The following UBE3A variants were observed in gnomAD, a reference collection of about 807,000 sequenced individuals.
The protein encoded by UBE3A is ubiquitin-protein ligase E3A.
In UBE3A, 6 loss-of-function variants were observed where a neutral mutation model predicts 83.4. That is an observed-to-expected ratio of 0.07 (90% CI 0.04 to 0.14). The LOEUF (loss-of-function observed/expected upper bound fraction) is 0.14, where lower values mean the gene tolerates loss of function less well. Among genes scored for constraint, UBE3A ranks in the 10% least tolerant of loss-of-function variants. The probability of loss-of-function intolerance (pLI) is 1.00; values close to 1 mark genes in which losing one functional copy is unlikely to be tolerated. For synonymous variants in UBE3A, 337 were observed against 355.4 expected (o/e 0.95, Z 0.58); for missense variants, 456 against 1,036.1 (o/e 0.44, Z 7.69).
At chr15:25,420,365 A>G (rs1414542596) in intron 1 of UBE3A, among the ~76,000 whole-genome samples, 1 of 152,200 alleles carries the variant, frequency 6.6e-6, no homozygotes, top group Non-Finnish European at 1.5e-5. Flanking sequence ...AAAGCATATG[A>G]AGAAAAAATG....
chr15:25,398,798 TATATATATATATATATAA>T (rs1411356483), intron 4 of UBE3A, among the ~76,000 whole-genome samples: 2,393 of 81,202 alleles, frequency 0.029, 210 homozygotes, highest in South Asian at 0.054. Flanking sequence ...TATATATATA[TATATATATATATATATAA>T]AAATACATAT....
Position 25,337,677 on chromosome 15 carries a change from A to C in UBE3A, c.*1460T>G, listed in dbSNP as rs948833703. The C allele has an allele frequency of 6.6e-6, 1 of 152,028 alleles. No homozygotes were observed. The highest frequency in any genetic ancestry group is 2.1e-4 in the South Asian group (1 of 4,838). 9.4% of individuals were successfully genotyped at this position (152,028 alleles called of 1,614,324 possible). A position where few individuals can be genotyped will look rare whatever the true frequency, so the allele number is the denominator to read the frequency against. The stretch of plus-strand genomic sequence containing the variant: ...CAGGTTGATCTACAGTAATCAGTTA[A>C]AACAATCAGTCAATCAATCAATCAA... On this transcript the variant is annotated 3_prime_UTR_variant, in exon 13 of 13. Transcript: ENST00000648336.
intron 4 of UBE3A, among the ~76,000 whole-genome samples, chr15:25,402,998 C>T (rs1027603082): frequency 2.0e-5 from 3 of 152,132 alleles, no homozygotes; most frequent in Non-Finnish European, 4.4e-5. Context: ...CAATCATGGC[C>T]ATCATCCACA....
chr15:25,339,981 A>G, intron 12 of UBE3A, 104 bp downstream of exon 12: 1 of 1,452,814 alleles, frequency 6.9e-7, no homozygotes, highest in Non-Finnish European at 9.6e-7. Context: ...ATTTGTATAT[A>G]AAATCACGAA....
chr15:25,343,141 C>A (rs2075133448), intron 11 of UBE3A, among the ~76,000 whole-genome samples: 3 of 152,126 alleles, frequency 2.0e-5, no homozygotes, highest in Admixed American at 2.0e-4. Flanking sequence ...CCTGCTCCAC[C>A]ATGAGGTCTA....
At chr15:25,360,006 T>G (rs184617947) in intron 7 of UBE3A, among the ~76,000 whole-genome samples, 3 of 152,324 alleles carry the variant, frequency 2.0e-5, no homozygotes, top group Non-Finnish European at 1.5e-5. Flanking sequence ...CTCTCAATAC[T>G]CTTCAAACCA....
At chr15:25,423,084 A>G (rs1179591374) in intron 1 of UBE3A, among the ~76,000 whole-genome samples, 1 of 152,104 alleles carries the variant, frequency 6.6e-6, no homozygotes, top group Non-Finnish European at 1.5e-5. Flanking sequence ...AGATTTGCCT[A>G]CATAAAAACT....
At chr15:25,342,308 C>T (rs768921720) in intron 11 of UBE3A, among the ~76,000 whole-genome samples, 1 of 152,092 alleles carries the variant, frequency 6.6e-6, no homozygotes, top group South Asian at 2.1e-4. Context: ...CAAAGAGCAC[C>T]ACCGAAGAAC....
rs573271880 is a variant in UBE3A at position 25,339,101 on chromosome 15, CTTCCTTTTTTTTGT to C, written c.*22_*35del. On this transcript the variant is annotated 3_prime_UTR_variant, in exon 13 of 13. Coordinates refer to ENST00000648336, the MANE Select transcript of UBE3A (RefSeq NM_130839.5). ...TTTTTAAATTTTTTCTTTTTTTTTC[CTTCCTTTTTTTTGT>C]TTTATTTTGTTTTGTTTTGTTTTAC... 7.8e-3 allele frequency: 11,301 copies of C among 1,451,854 alleles called. 61 individuals are homozygous for C. Among genetic ancestry groups the C allele is most frequent in the Non-Finnish European group, 9.2e-3 (10,132 of 1,103,086 alleles). The allele number at this position is 1,451,854 out of a possible 1,614,324, so 89.9% of individuals were successfully genotyped here. A position where few individuals can be genotyped will look rare whatever the true frequency, so the allele number is the denominator to read the frequency against.
At chr15:25,367,641 C>T (rs1349401270) in intron 6 of UBE3A, among the ~76,000 whole-genome samples, 2 of 151,958 alleles carry the variant, frequency 1.3e-5, no homozygotes, top group Non-Finnish European at 1.5e-5. Context: ...TAGCATCTTA[C>T]AATGAATTGC....
At chr15:25,346,542 C>G (rs1010461891) in intron 11 of UBE3A, 10 of 152,042 alleles carry the variant, frequency 6.6e-5, no homozygotes, top group African/African-American at 2.4e-4. Context: ...AAAGAAAACG[C>G]CAACACTGGG....
At chr15:25,364,036 T>TAATAAATGAATA (rs2078589720) in intron 6 of UBE3A, among the ~76,000 whole-genome samples, 1 of 137,600 alleles carries the variant, frequency 7.3e-6, no homozygotes, top group Non-Finnish European at 1.5e-5. Flanking sequence ...TACAAAAAAC[T>TAATAAATGAATA]AATAAATAAA....
chr15:25,406,507 A>G (rs1311287553), intron 3 of UBE3A, among the ~76,000 whole-genome samples: 1 of 152,174 alleles, frequency 6.6e-6, no homozygotes, highest in Non-Finnish European at 1.5e-5. Context: ...CATCAGCAAC[A>G]ATGAATGAGT....
intron 4 of UBE3A, among the ~76,000 whole-genome samples, chr15:25,383,521 C>G (rs2152909322): frequency 6.6e-6 from 1 of 152,048 alleles, no homozygotes; most frequent in East Asian, 1.9e-4. Flanking sequence ...CCTGTAATTC[C>G]AGCTACTCGG....
intron 11 of UBE3A, among the ~76,000 whole-genome samples, chr15:25,349,875 GACA>G (rs1015515675): frequency 3.9e-5 from 6 of 152,126 alleles, no homozygotes; most frequent in Non-Finnish European, 8.8e-5. Context: ...GGGTAGTCTA[GACA>G]ACAACGATAT....
chr15:25,378,336 C>T (rs2081573422), intron 4 of UBE3A, among the ~76,000 whole-genome samples: 1 of 152,094 alleles, frequency 6.6e-6, no homozygotes, highest in Non-Finnish European at 1.5e-5. Flanking sequence ...TCCTTCTGTC[C>T]CTAAGCAGCT....
chr15:25,420,050 CTT>C (rs1292973749), intron 1 of UBE3A, among the ~76,000 whole-genome samples: 4 of 152,012 alleles, frequency 2.6e-5, no homozygotes, highest in Non-Finnish European at 5.9e-5. Context: ...TGTAAATGGA[CTT>C]AATCAAAAAG....
chr15:25,423,369 A>G (rs1890389270), intron 1 of UBE3A, among the ~76,000 whole-genome samples: 1 of 152,200 alleles, frequency 6.6e-6, no homozygotes, highest in South Asian at 2.1e-4. Context: ...TTAAAAGGTA[A>G]TTGGCAAAAC....
At chr15:25,437,972 T>C (rs1489626231) in intron 1 of UBE3A, 1 of 152,388 alleles carries the variant, frequency 6.6e-6, no homozygotes, top group African/African-American at 2.4e-5. Context: ...CAGAGTAACC[T>C]GTGCGCACAA....
Sources: allele counts gnomAD v4.1 joint callset (sites outside exome capture counted in the v4.1 genomes callset), GRCh38; gene constraint gnomAD v4.1.1; transcripts MANE v1.5; gene names NCBI Gene and HGNC (gene_info 2026-07-23, HGNC 2026-07-21).